The following GAD1 variants were observed in gnomAD, a reference collection of about 807,000 sequenced individuals.
GAD1 encodes the protein glutamate decarboxylase 1.
A neutral mutation model predicts 75.2 loss-of-function variants in GAD1; 35 were observed. The ratio of observed to expected loss-of-function variants is 0.47; its 90% CI spans 0.36 to 0.62. GAD1 has a LOEUF of 0.62. Among genes scored for constraint, GAD1 ranks in the 20% least tolerant of loss-of-function variants. GAD1 has a pLI of 0.00. For missense variants in GAD1, 490 were observed against 758.5 expected, an observed-to-expected ratio of 0.65 and a Z score of 4.16; for synonymous variants, 257 against 271.9, an observed-to-expected ratio of 0.95 and a Z score of 0.54.
At chr2:170,833,108 C>T (rs1233902012) in intron 5 of GAD1, among the ~76,000 whole-genome samples, 2 of 152,238 alleles carry the variant, frequency 1.3e-5, no homozygotes, top group African/African-American at 4.8e-5. Flanking sequence ...TCTTCTTTGT[C>T]TCTCCTTCTT....
At chr2:170,817,257 C>T (rs956818160) in intron 1 of GAD1, 3 of 126,410 alleles carry the variant, frequency 2.4e-5, no homozygotes, top group Non-Finnish European at 4.9e-5. Flanking sequence ...CGTCACTCTT[C>T]TTATCCCTGC....
chr2:170,818,125 T>C lies in GAD1; in HGVS notation c.-63-404T>C. 1 of 172,526 alleles carries C rather than the reference T, an allele frequency of 5.8e-6. No homozygotes were observed. The highest frequency in any genetic ancestry group is 1.2e-5 in the Non-Finnish European group (1 of 81,158). 10.7% of individuals were successfully genotyped at this position (172,526 alleles called of 1,614,324 possible). A position where few individuals can be genotyped will look rare whatever the true frequency, so the allele number is the denominator to read the frequency against. On this transcript the variant is annotated intron_variant, in intron 1 of 16. Transcript: ENST00000358196. The surrounding 1 kb of genome is among the most constrained non-coding windows in gnomAD (Gnocchi z 5.9). ...CACACGCCGGCTGCTGAGTGCCCAA[T>C]GGGGCTTGTAGCGGCTCGGCTGGAA...
chr2:170,820,469 C>A (rs1172529873), intron 2 of GAD1, among the ~76,000 whole-genome samples: 1 of 152,244 alleles, frequency 6.6e-6, no homozygotes. Context: ...GCGCGCTGGG[C>A]GCTCTATCCA....
In GAD1 at chr2:170,860,591, A is replaced by G. The variant is rs952977159; in HGVS notation, c.*709A>G. ...GTCAATGAAATATTTGCTTATTTAT[A>G]TTCAGAGATGTACCATGTTAAAGAG... On this transcript the variant is annotated 3_prime_UTR_variant, in exon 17 of 17. Coordinates refer to ENST00000358196, the MANE Select transcript of GAD1 (RefSeq NM_000817.3). The G allele has an allele frequency of 1.3e-5, 2 of 152,746 alleles. No homozygotes were observed. The highest frequency in any genetic ancestry group is 4.8e-5 in the African/African-American group (2 of 41,438). The allele number at this position is 152,746 out of a possible 1,614,324, so 9.5% of individuals were successfully genotyped here.
chr2:170,818,993 A>G lies in GAD1; in HGVS notation c.82+320A>G, dbSNP rs573590179. ...TGTGGTTTCTTTGCTCCGTGGGACG[A>G]CAGGGGTCAGCGCAGGGGGCGGAAT... On this transcript the variant is annotated intron_variant, in intron 2 of 16. Transcript: ENST00000358196. This position sits in a 1 kb window ranked among gnomAD's most constrained non-coding sequence, Gnocchi z 5.9. Among the ~76,000 whole-genome samples, 9 of 152,258 alleles carry G rather than the reference A, an allele frequency of 5.9e-5. No individual in the cohort carries two copies. In the East Asian group the frequency reaches 1.7e-3, roughly 29 times the overall value.
upstream of GAD1, among the ~76,000 whole-genome samples, chr2:170,815,861 A>G (rs1701685827): frequency 6.6e-6 from 1 of 152,316 alleles, no homozygotes; most frequent in South Asian, 2.1e-4. Context: ...GCTGGCGGAG[A>G]GACCCGGGAG....
intron 4 of GAD1, among the ~76,000 whole-genome samples, chr2:170,830,259 T>G (rs1280746986): frequency 6.6e-6 from 1 of 151,962 alleles, no homozygotes; most frequent in Non-Finnish European, 1.5e-5. Context: ...TCACAGAGAG[T>G]ATCGTGCACA....
chr2:170,844,026 C>T lies in GAD1; in HGVS notation c.639-19C>T. On this transcript the variant is annotated intron_variant, in intron 6 of 16. Transcript: ENST00000358196. Reference sequence around the variant, plus strand: ...GACTTCTTTATTTTCTTTCATCCTTCTTCTTACCACCTTTCCAGGTTTACA... The same window carrying T: ...GACTTCTTTATTTTCTTTCATCCTTTTTCTTACCACCTTTCCAGGTTTACA... 1 of 1,326,580 alleles carries T rather than the reference C, an allele frequency of 7.5e-7. No individual in the cohort carries two copies. The highest frequency in any genetic ancestry group is 1.4e-5 in the African/African-American group (1 of 69,312). 82.2% of individuals were successfully genotyped at this position (1,326,580 alleles called of 1,614,324 possible). A position where few individuals can be genotyped will look rare whatever the true frequency, so the allele number is the denominator to read the frequency against.
chr2:170,836,821 C>T lies in GAD1; in HGVS notation c.576C>T (p.Ser192=). 1 of 1,613,976 alleles carries T rather than the reference C, an allele frequency of 6.2e-7. No individual in the cohort carries two copies. The highest frequency in any genetic ancestry group is 1.3e-5 in the African/African-American group (1 of 75,040). Residue 192 remains serine (S), a synonymous_variant, in exon 6 of 17, where the codon TCC becomes TCT. Transcript: ENST00000358196. ...TGHPRFFNQL[S]TGLDIIGLAG... is the part of the protein sequence containing the mutation. ...ATCCTCGATTTTTCAACCAGCTCTCCACTGGATTGGATATTATTGGCCTAG... is the reference window on the plus strand; with the variant it reads ...ATCCTCGATTTTTCAACCAGCTCTCTACTGGATTGGATATTATTGGCCTAG...
In GAD1 at chr2:170,829,572, C is replaced by G. The variant is rs762948682; in HGVS notation, c.243C>G (p.Asn81Lys). ...CCAAGAACCTGCTTTCCTGTGAAAA[C>G]AGCGACCGGGATGCCCGCTTCCGGC... The part of the protein sequence containing the change: ...QSSKNLLSCE[N>K]SDRDARFRRT... The change falls in exon 4 of 17, where the codon AAC becomes AAG. Residue 81 changes from asparagine (N) to lysine (K), a missense_variant. By Grantham distance (94) the Asn-to-Lys change is moderately conservative. Coordinates refer to ENST00000358196, the MANE Select transcript of GAD1 (RefSeq NM_000817.3). 7 of 1,613,984 alleles carry G rather than the reference C, an allele frequency of 4.3e-6. No individual in the cohort carries two copies. In the South Asian group the frequency reaches 6.6e-5, roughly 15 times the overall value.
intron 6 of GAD1, among the ~76,000 whole-genome samples, chr2:170,838,665 C>G (rs1702429403): frequency 6.6e-6 from 1 of 152,160 alleles, no homozygotes; most frequent in Non-Finnish European, 1.5e-5. Context: ...AACGGACCTC[C>G]CCCCTTTCAA....
chr2:170,821,211 G>T (rs45476992), intron 2 of GAD1, among the ~76,000 whole-genome samples: 4 of 152,186 alleles, frequency 2.6e-5, no homozygotes, highest in Non-Finnish European at 4.4e-5. Flanking sequence ...ACACCACTCC[G>T]CTTGGGGGCT....
intron 6 of GAD1, among the ~76,000 whole-genome samples, chr2:170,838,311 C>T (rs1702422369): frequency 6.6e-6 from 1 of 152,166 alleles, no homozygotes; most frequent in Non-Finnish European, 1.5e-5. Context: ...GAACAAAAAG[C>T]TCCATTTAGC....
chr2:170,850,930 C>T (rs1447405952), intron 12 of GAD1, among the ~76,000 whole-genome samples: 1 of 151,944 alleles, frequency 6.6e-6, no homozygotes, highest in Non-Finnish European at 1.5e-5. Context: ...TGGAGAATCA[C>T]TAGAACCTGG....
chr2:170,823,116 T>TA (rs1421454677), intron 3 of GAD1, among the ~76,000 whole-genome samples: 1 of 152,094 alleles, frequency 6.6e-6, no homozygotes, highest in Admixed American at 6.5e-5. Flanking sequence ...GGCCAGAAAA[T>TA]ACGGATGTCC....
intron 6 of GAD1, chr2:170,842,541 A>T (rs1702539453): frequency 7.5e-6 from 12 of 1,608,784 alleles, no homozygotes; most frequent in Non-Finnish European, 9.4e-6. Context: ...CTAAACCAGG[A>T]ATCCTTCTCT....
chr2:170,837,287 C>G (rs1274416354), intron 6 of GAD1, among the ~76,000 whole-genome samples: 1 of 152,186 alleles, frequency 6.6e-6, no homozygotes, highest in African/African-American at 2.4e-5. Context: ...CATAAACCCA[C>G]AAACCAATTT....
intron 15 of GAD1, among the ~76,000 whole-genome samples, chr2:170,857,849 T>C (rs998662318): frequency 2.0e-5 from 3 of 152,208 alleles, no homozygotes; most frequent in African/African-American, 7.2e-5. Flanking sequence ...ACCTAGATTC[T>C]AGAGTATTGA....
At chr2:170,829,134 TCTC>T (rs757703892) in intron 3 of GAD1, 1 of 380,436 alleles carries the variant, frequency 2.6e-6, no homozygotes, top group Non-Finnish European at 5.0e-6. Flanking sequence ...TCTGATTGTG[TCTC>T]CTCCTTTAAA....
Sources: allele counts gnomAD v4.1 joint callset (sites outside exome capture counted in the v4.1 genomes callset), GRCh38; gene constraint gnomAD v4.1.1; non-coding constraint Gnocchi (gnomAD v3.1); transcripts MANE v1.5; gene names NCBI Gene and HGNC (gene_info 2026-07-23, HGNC 2026-07-21).